The following IFNAR2 variants were observed in gnomAD, a reference collection of about 807,000 sequenced individuals.
IFNAR2 encodes interferon alpha and beta receptor subunit 2.
Under a neutral mutation model 49.4 loss-of-function variants are expected in IFNAR2, and 30 were observed. The observed-to-expected ratio is 0.61, with a 90% CI of 0.45 to 0.82. The LOEUF (loss-of-function observed/expected upper bound fraction) is 0.82, where lower values mean the gene tolerates loss of function less well. Among genes scored for constraint, IFNAR2 ranks in the 40% least tolerant of loss-of-function variants. The probability of loss-of-function intolerance (pLI) is 0.00; values close to 1 mark genes in which losing one functional copy is unlikely to be tolerated. For synonymous variants in IFNAR2, 224 were observed against 234.5 expected (o/e 0.96, Z 0.41); for missense variants, 600 against 622.7 (o/e 0.96, Z 0.39).
Position 33,248,756 on chromosome 21 carries a change from A to G in IFNAR2, c.442A>G (p.Ile148Val), listed in dbSNP as rs772058604. The G allele has an allele frequency of 1.2e-6, 2 of 1,612,298 alleles. No individual in the cohort carries two copies. The highest frequency in any genetic ancestry group is 2.2e-5 in the East Asian group (1 of 44,762). ...TGAGATTGTTGGTTTTACCAACCACATTAATGTGATGGTGAAATTTCCATC... is the reference window on the plus strand; with the variant it reads ...TGAGATTGTTGGTTTTACCAACCACGTTAATGTGATGGTGAAATTTCCATC... Reference protein sequence around the residue: ...EFEIVGFTNHINVMVKFPSIV... With the variant: ...EFEIVGFTNHVNVMVKFPSIV... The change falls in exon 6 of 9, where the codon ATT becomes GTT. Residue 148 changes from isoleucine to valine, a missense_variant. Ile to Val is a conservative substitution (Grantham distance 29). Coordinates refer to ENST00000342136, the MANE Select transcript of IFNAR2 (RefSeq NM_001289125.3).
At position 33,263,544 on chromosome 21, in the gene IFNAR2, G is replaced by T; in HGVS notation, c.*44G>T. 1 of 1,536,380 alleles carries T rather than the reference G, an allele frequency of 6.5e-7. No homozygotes were observed. The highest frequency in any genetic ancestry group is 8.7e-7 in the Non-Finnish European group (1 of 1,145,180). ...AACTTGGACAGACAAGCACCTACAG[G>T]GTTCTTTGTCTCTGCATCCTAACTT... On this transcript the variant is annotated 3_prime_UTR_variant, in exon 9 of 9. Transcript: ENST00000342136.
chr21:33,241,973 C>G lies in IFNAR2; in HGVS notation c.51C>G (p.Leu17=). ...AFIFRSLNLV[L]MVYISLVFGI... ...TCTTCAGATCACTTAATTTGGTTCTCATGGGTAAGTGCTGCTTTTTATCTT... is the reference window on the plus strand; with the variant it reads ...TCTTCAGATCACTTAATTTGGTTCTGATGGGTAAGTGCTGCTTTTTATCTT... Residue 17 remains leucine, a synonymous_variant, in exon 2 of 9, where the codon CTC becomes CTG. Transcript: ENST00000342136. 6.2e-7 allele frequency: 1 copy of G among 1,612,342 alleles called. No individual in the cohort carries two copies. The highest frequency in any genetic ancestry group is 1.1e-5 in the South Asian group (1 of 90,710).
In IFNAR2 at chr21:33,242,067, T is replaced by C. The variant is rs577352395; in HGVS notation, c.55+90T>C. 2.6e-4 allele frequency: 329 copies of C among 1,281,784 alleles called. 2 individuals carry two copies. In the African/African-American group the frequency reaches 4.5e-3, roughly 17 times the overall value. The allele number at this position is 1,281,784 out of a possible 1,614,324, so 79.4% of individuals were successfully genotyped here. A position where few individuals can be genotyped will look rare whatever the true frequency, so the allele number is the denominator to read the frequency against. On this transcript the variant is annotated intron_variant, in intron 2 of 8. Transcript: ENST00000342136. The stretch of plus-strand genomic sequence containing the variant: ...ACTGGCAGGAAGTCGCAAACTCATT[T>C]CCCTGACTAGAGGACCCAGTACCAC...
At position 33,230,334 on chromosome 21, in the gene IFNAR2, ACTC is replaced by A. The variant is rs368922144; in HGVS notation, c.-84+133_-84+135del. 1,754 of 831,146 alleles carry A rather than the reference ACTC, an allele frequency of 2.1e-3. 1 individual carries two copies. Among genetic ancestry groups the A allele is most frequent in the South Asian group, 3.4e-3 (176 of 52,042 alleles). The allele number at this position is 831,146 out of a possible 1,614,324, so 51.5% of individuals were successfully genotyped here. ...CTCCGGTTCCCTCTCGCTCTCCCCG[ACTC>A]CTCCTCCTCCTCCTGCCCTCCCTCT... On this transcript the variant is annotated intron_variant, in intron 1 of 8. Transcript: ENST00000342136. The surrounding 1 kb of genome is among the most constrained non-coding windows in gnomAD (Gnocchi z 5.5).
At chr21:33,249,677 A>G (rs1164532297) in intron 6 of IFNAR2, among the ~76,000 whole-genome samples, 3 of 152,188 alleles carry the variant, frequency 2.0e-5, no homozygotes, top group East Asian at 3.8e-4. Flanking sequence ...AAATGCTGGA[A>G]TAAGTGGAAA....
At chr21:33,262,654 T>G in intron 8 of IFNAR2, 139 bp from the exon 9 acceptor site, 2 of 1,243,720 alleles carry the variant, frequency 1.6e-6, no homozygotes, top group Non-Finnish European at 2.3e-6. Context: ...CAAACAGTCG[T>G]CCTGCCTAAG....
chr21:33,234,612 T>A, intron 1 of IFNAR2: 1 of 352,656 alleles, frequency 2.8e-6, no homozygotes, highest in Non-Finnish European at 4.0e-6. Context: ...GAGTTGGAAT[T>A]CAAAGAATCA....
chr21:33,263,680 T>C lies in IFNAR2; in HGVS notation c.*180T>C. On this transcript the variant is annotated 3_prime_UTR_variant, in exon 9 of 9. Transcript: ENST00000342136. ...CATTCCCAGTATGGGGACCATAGTA[T>C]CATTCAGTGCATTGTTTACATATTC... 1 of 605,386 alleles carries C rather than the reference T, an allele frequency of 1.7e-6. No individual in the cohort carries two copies. Among genetic ancestry groups the C allele is most frequent in the Non-Finnish European group, 2.9e-6 (1 of 344,600 alleles). 37.5% of individuals were successfully genotyped at this position (605,386 alleles called of 1,614,324 possible). A position where few individuals can be genotyped will look rare whatever the true frequency, so the allele number is the denominator to read the frequency against.
In IFNAR2 at chr21:33,265,061, G is replaced by C. The variant is rs919718564; in HGVS notation, c.*1561G>C. On this transcript the variant is annotated 3_prime_UTR_variant, in exon 9 of 9. Transcript: ENST00000342136. Reference sequence around the variant, plus strand: ...ACCAGTTTAAGGACTGGGACTCAGGGATCCAACTCCCACAGTTTCCCTGTG... The same window carrying C: ...ACCAGTTTAAGGACTGGGACTCAGGCATCCAACTCCCACAGTTTCCCTGTG... The C allele has an allele frequency of 1.3e-5, 2 of 152,198 alleles. No homozygotes were observed. The highest frequency in any genetic ancestry group is 4.8e-5 in the African/African-American group (2 of 41,426). 9.4% of individuals were successfully genotyped at this position (152,198 alleles called of 1,614,324 possible).
chr21:33,231,005 A>ATT (rs57451586), intron 1 of IFNAR2, among the ~76,000 whole-genome samples: 61 of 148,988 alleles, frequency 4.1e-4, no homozygotes, highest in African/African-American at 5.6e-4. Context: ...TTCTTTTAAC[A>ATT]TTTTTTTTTT....
In IFNAR2 at chr21:33,263,222, A is replaced by G; in HGVS notation, c.1270A>G (p.Asn424Asp). 1 of 1,614,162 alleles carries G rather than the reference A, an allele frequency of 6.2e-7. No individual in the cohort carries two copies. The highest frequency in any genetic ancestry group is 8.5e-7 in the Non-Finnish European group (1 of 1,180,034). ...TEGSGGRITFNVDLNSVFLRV... is the reference protein window; with the variant it reads ...TEGSGGRITFDVDLNSVFLRV... ...GGGGTCTGGGGGCAGAATTACCTTCAATGTGGACTTAAACTCTGTGTTTTT... is the reference window on the plus strand; with the variant it reads ...GGGGTCTGGGGGCAGAATTACCTTCGATGTGGACTTAAACTCTGTGTTTTT... The change falls in exon 9 of 9, where the codon AAT becomes GAT. Residue 424 changes from asparagine (N) to aspartate (D), a missense_variant. Transcript: ENST00000342136.
rs576292656 is a variant in IFNAR2 at position 33,264,442 on chromosome 21, G to C, written c.*942G>C. 2 of 151,828 alleles carry C rather than the reference G, an allele frequency of 1.3e-5. No individual in the cohort carries two copies. The highest frequency in any genetic ancestry group is 2.9e-5 in the Non-Finnish European group (2 of 68,010). The allele number at this position is 151,828 out of a possible 1,614,324, so 9.4% of individuals were successfully genotyped here. On this transcript the variant is annotated 3_prime_UTR_variant, in exon 9 of 9. Coordinates refer to ENST00000342136, the MANE Select transcript of IFNAR2 (RefSeq NM_001289125.3). The stretch of plus-strand genomic sequence containing the variant: ...TGGGGAAGACAGACTTTAGGATCAC[G>C]TGTGTGACTAATACAGAAAGGAAAC...
intron 8 of IFNAR2, 153 bp from the exon 9 acceptor site, chr21:33,262,640 A>G (rs748093233): frequency 9.3e-7 from 1 of 1,074,574 alleles, no homozygotes; most frequent in Admixed American, 1.8e-5. Context: ...GAAACTCCTG[A>G]GCTCAAACAG....
intron 3 of IFNAR2, 136 bp downstream of exon 3, chr21:33,243,850 T>C (rs1987184777): frequency 2.7e-6 from 2 of 746,652 alleles, no homozygotes; most frequent in Admixed American, 2.1e-5. Context: ...ATTCTTTCTC[T>C]GTAAAAGGAG....
At chr21:33,241,205 C>T (rs180935341) in intron 1 of IFNAR2, among the ~76,000 whole-genome samples, 31 of 152,170 alleles carry the variant, frequency 2.0e-4, no homozygotes, top group African/African-American at 5.1e-4. Context: ...TTTTAAAAAG[C>T]GTGTATCCTA....
chr21:33,236,333 G>T (rs1986452881), intron 1 of IFNAR2, among the ~76,000 whole-genome samples: 1 of 152,214 alleles, frequency 6.6e-6, no homozygotes, highest in Non-Finnish European at 1.5e-5. Flanking sequence ...CCTCGATCCA[G>T]CCTGGGGCAG....
In IFNAR2 at chr21:33,254,681, A is replaced by G. The variant is rs191214483; in HGVS notation, c.709+1851A>G. 1.0e-3 allele frequency among the ~76,000 whole-genome samples: 153 copies of G among 152,290 alleles called. 1 individual carries two copies. Among genetic ancestry groups the G allele is most frequent in the Non-Finnish European group, 1.8e-3 (125 of 68,026 alleles). ...TCCTTTTATTAATTCCAAGTTTTTA[A>G]TCAGAAAATCTTTGAATCTACCTAT... On this transcript the variant is annotated intron_variant, in intron 7 of 8. Transcript: ENST00000342136.
chr21:33,253,859 G>GTGGGTTTTGC (rs1163883632), intron 7 of IFNAR2, among the ~76,000 whole-genome samples: 2 of 152,210 alleles, frequency 1.3e-5, no homozygotes, highest in East Asian at 3.9e-4. Flanking sequence ...GTGGGTTTTG[G>GTGGGTTTTGC]CCGGCTTTAC....
At chr21:33,258,062 T>TG (rs917313274) in intron 7 of IFNAR2, among the ~76,000 whole-genome samples, 3 of 152,136 alleles carry the variant, frequency 2.0e-5, no homozygotes, top group African/African-American at 4.8e-5. Context: ...TCCAGCACTT[T>TG]GGGGGGCCGA....
Sources: gnomAD v4.1 joint callset for allele counts (sites outside exome capture counted in the v4.1 genomes callset) on GRCh38, gnomAD v4.1.1 for gene constraint, Gnocchi (gnomAD v3.1) non-coding constraint, MANE v1.5 for transcripts, NCBI Gene and HGNC (gene_info 2026-07-23, HGNC 2026-07-21) for gene names.